Variants in RASA1 observed in about 807,000 individuals in gnomAD.
RASA1 encodes RAS p21 protein activator 1.
RASA1 carries 25 observed loss-of-function variants against 132.2 expected under a neutral mutation model. That is an observed-to-expected ratio of 0.19 (90% CI 0.14 to 0.26). The LOEUF (loss-of-function observed/expected upper bound fraction) is 0.26. RASA1 is among the 10% of genes least tolerant of loss of function. The probability of loss-of-function intolerance (pLI) is 1.00; values close to 1 mark genes in which losing one functional copy is unlikely to be tolerated. For missense variants in RASA1, 964 were observed against 1,299.2 expected, an observed-to-expected ratio of 0.74 and a Z score of 3.97; for synonymous variants, 477 against 449.9, an observed-to-expected ratio of 1.06 and a Z score of -0.76.
In RASA1 at chr5:87,391,168, CTG is replaced by C; in HGVS notation, c.*287_*288del. The C allele has an allele frequency of 3.7e-6, 2 of 538,336 alleles. No homozygotes were observed. Among genetic ancestry groups the C allele is most frequent in the Non-Finnish European group, 3.3e-6 (1 of 299,412 alleles). The allele number at this position is 538,336 out of a possible 1,614,324, so 33.3% of individuals were successfully genotyped here. On this transcript the variant is annotated 3_prime_UTR_variant, in exon 25 of 25. Coordinates refer to ENST00000274376, the MANE Select transcript of RASA1 (RefSeq NM_002890.3). ...CCTTTCACAAAACGAAATGCTATGACTGTATCTTGATATCTCGAACTTTCAAA... is the reference window on the plus strand; with the variant it reads ...CCTTTCACAAAACGAAATGCTATGACTATCTTGATATCTCGAACTTTCAAA...
chr5:87,270,646 CTTTTTTTTTTTTTTTT>C (rs70996415), intron 1 of RASA1, among the ~76,000 whole-genome samples: 873 of 71,760 alleles, frequency 0.012, 39 homozygotes, highest in South Asian at 0.049. Flanking sequence ...GGTGCCCGGC[CTTTTTTTTTTTTTTTT>C]TTTTTTTTTT....
At chr5:87,310,459 G>A (rs781499933) in intron 1 of RASA1, among the ~76,000 whole-genome samples, 11 of 152,116 alleles carry the variant, frequency 7.2e-5, no homozygotes, top group African/African-American at 9.6e-5. Context: ...TTTTGCAATC[G>A]AGTTATCTTA....
At position 87,346,824 on chromosome 5, in the gene RASA1, G is replaced by A. The variant is rs1161113228; in HGVS notation, c.1102+100G>A. The A allele has an allele frequency of 9.6e-6, 8 of 830,816 alleles. No individual in the cohort carries two copies. In the East Asian group the frequency reaches 2.1e-4, roughly 22 times the overall value. The allele number at this position is 830,816 out of a possible 1,614,324, so 51.5% of individuals were successfully genotyped here. ...GTTTTGCCTTTAGCATTCAGTTAGT[G>A]TTTATGCATGTTATAATTTCGTGTC... is the stretch of plus-strand genomic sequence containing the variant. On this transcript the variant is annotated intron_variant, in intron 7 of 24. Transcript: ENST00000274376.
intron 1 of RASA1, among the ~76,000 whole-genome samples, chr5:87,293,393 G>A (rs1754989475): frequency 6.6e-6 from 1 of 152,088 alleles, no homozygotes; most frequent in Admixed American, 6.5e-5. Flanking sequence ...ACCCTGACGT[G>A]ATTGATTACA....
In RASA1 at chr5:87,318,950, G is replaced by A. The variant is rs1266568883; in HGVS notation, c.540-12398G>A. On this transcript the variant is annotated intron_variant, in intron 1 of 24. Coordinates refer to ENST00000274376, the MANE Select transcript of RASA1 (RefSeq NM_002890.3). ...TTCCAAGGTACAATGAGAGTACAGG[G>A]AATGGGTAAATGTTCCTGTTGCAAA... The A allele has an allele frequency of 2.0e-5, 3 of 152,266 alleles. No homozygotes were observed. In the East Asian group the frequency reaches 5.8e-4, roughly 29 times the overall value. 9.4% of individuals were successfully genotyped at this position (152,266 alleles called of 1,614,324 possible).
At chr5:87,306,341 A>G (rs1356723765) in intron 1 of RASA1, among the ~76,000 whole-genome samples, 1 of 152,328 alleles carries the variant, frequency 6.6e-6, no homozygotes, top group African/African-American at 2.4e-5. Flanking sequence ...GGTGGAAGCC[A>G]TTATCCTCAG....
At chr5:87,330,027 AT>A (rs2112362046) in intron 1 of RASA1, among the ~76,000 whole-genome samples, 1 of 152,228 alleles carries the variant, frequency 6.6e-6, no homozygotes, top group African/African-American at 2.4e-5. Context: ...TGCAGTATTG[AT>A]TGTTCTTTCC....
intron 5 of RASA1, among the ~76,000 whole-genome samples, chr5:87,339,904 A>C (rs1758313846): frequency 6.6e-6 from 1 of 152,102 alleles, no homozygotes; most frequent in African/African-American, 2.4e-5. Context: ...CTAGTCTGTG[A>C]AGATGTTTCG....
rs148110004 is a variant in RASA1 at position 87,289,271 on chromosome 5, C to T, written c.539+20281C>T. On this transcript the variant is annotated intron_variant, in intron 1 of 24. Transcript: ENST00000274376. ...GTTCTCAGTACATAAGGGCACATGA[C>T]GTCAATTATCCTATTGATGATGTAC... 2.6e-4 allele frequency among the ~76,000 whole-genome samples: 39 copies of T among 152,250 alleles called. No individual in the cohort carries two copies. In the South Asian group the frequency reaches 6.2e-3, roughly 24 times the overall value.
chr5:87,387,258 C>T (rs1410810104), intron 23 of RASA1, among the ~76,000 whole-genome samples: 2 of 151,946 alleles, frequency 1.3e-5, no homozygotes, highest in African/African-American at 2.4e-5. Flanking sequence ...CTATGTGGGG[C>T]GTGAAGCAAG....
intron 21 of RASA1, 37 bp from the exon 22 acceptor site, chr5:87,385,264 G>A (rs1761988597): frequency 7.6e-7 from 1 of 1,316,884 alleles, no homozygotes; most frequent in African/African-American, 1.5e-5. Context: ...AGTGCTGTTG[G>A]ACTTGGTGTC....
chr5:87,297,185 T>A lies in RASA1; in HGVS notation c.539+28195T>A, dbSNP rs191910627. Among the ~76,000 whole-genome samples, 4 of 152,354 alleles carry A rather than the reference T, an allele frequency of 2.6e-5. No individual in the cohort carries two copies. The Middle Eastern group carries it at 0.01, about 389-fold the overall frequency. On this transcript the variant is annotated intron_variant, in intron 1 of 24. Coordinates refer to ENST00000274376, the MANE Select transcript of RASA1 (RefSeq NM_002890.3). The stretch of plus-strand genomic sequence containing the variant: ...TGTATTTGCATATTGTCTACCTTTT[T>A]CATAAAGCACCTAGCATATTAATCA...
chr5:87,272,667 C>T (rs1242108252), intron 1 of RASA1, among the ~76,000 whole-genome samples: 1 of 151,960 alleles, frequency 6.6e-6, no homozygotes, highest in Non-Finnish European at 1.5e-5. Context: ...ACTAAATTGT[C>T]TACTAATTCT....
intron 1 of RASA1, among the ~76,000 whole-genome samples, chr5:87,270,646 CTTTTTTTTTTTTTTTTTT>C (rs70996415): frequency 0.055 from 3,930 of 71,800 alleles, 160 homozygotes; most frequent in Middle Eastern, 0.12. Flanking sequence ...GGTGCCCGGC[CTTTTTTTTTTTTTTTTTT>C]TTTTTTTTTT....
intron 1 of RASA1, among the ~76,000 whole-genome samples, chr5:87,315,728 G>A (rs1461990844): frequency 6.6e-6 from 1 of 152,092 alleles, no homozygotes; most frequent in Non-Finnish European, 1.5e-5. Context: ...TAAATAAGTA[G>A]CACCTTGCGA....
intron 1 of RASA1, among the ~76,000 whole-genome samples, chr5:87,306,311 T>G (rs1432354578): frequency 6.6e-6 from 1 of 152,188 alleles, no homozygotes; most frequent in African/African-American, 2.4e-5. Context: ...GATTATGTCC[T>G]TTGCGGGGAC....
At position 87,338,514 on chromosome 5, in the gene RASA1, TATATATATATATATATATAAA is replaced by T. The variant is rs1247284701; in HGVS notation, c.1017+426_1017+446del. The stretch of plus-strand genomic sequence containing the variant: ...GCCCAGCTAATTTTATATATATATA[TATATATATATATATATATAAA>T]ATTTTTTTTTTTTTTAAGTAGAAAT... On this transcript the variant is annotated intron_variant, in intron 5 of 24. Coordinates refer to ENST00000274376, the MANE Select transcript of RASA1 (RefSeq NM_002890.3). Among the ~76,000 whole-genome samples, 60 of 98,788 alleles carry T rather than the reference TATATATATATATATATATAAA, an allele frequency of 6.1e-4. 2 individuals are homozygous for T. Among genetic ancestry groups the T allele is most frequent in the African/African-American group, 2.2e-3 (58 of 26,058 alleles). The allele number at this position is 98,788 out of a possible 152,430, so 64.8% of individuals were successfully genotyped here. A position where few individuals can be genotyped will look rare whatever the true frequency, so the allele number is the denominator to read the frequency against.
rs1392746639 is a variant in RASA1, at chr5:87,369,916, C to A, written c.1698+16C>A. The A allele has an allele frequency of 6.4e-7, 1 of 1,567,266 alleles. No individual in the cohort carries two copies. Among genetic ancestry groups the A allele is most frequent in the Admixed American group, 1.7e-5 (1 of 59,764 alleles). On this transcript the variant is annotated intron_variant, in intron 12 of 24. Coordinates refer to ENST00000274376, the MANE Select transcript of RASA1 (RefSeq NM_002890.3). ...ACAAGCAGAGGTAAGATTACTGTTTCTCAAACTACAGTATACTTTTATGTT... is the reference window on the plus strand; with the variant it reads ...ACAAGCAGAGGTAAGATTACTGTTTATCAAACTACAGTATACTTTTATGTT...
chr5:87,331,514 C>T lies in RASA1; in HGVS notation c.692+14C>T. 6.2e-7 allele frequency: 1 copy of T among 1,612,594 alleles called. No homozygotes were observed. Among genetic ancestry groups the T allele is most frequent in the Non-Finnish European group, 8.5e-7 (1 of 1,178,966 alleles). ...CAACCATTTTAGGTAAGTCTTTATT[C>T]CTATTATGAAGCCAAATGATGTAGC... On this transcript the variant is annotated intron_variant, in intron 2 of 24. Transcript: ENST00000274376.
Sources: gnomAD v4.1 joint callset for allele counts (sites outside exome capture counted in the v4.1 genomes callset) on GRCh38, gnomAD v4.1.1 for gene constraint, MANE v1.5 for transcripts, NCBI Gene and HGNC (gene_info 2026-07-23, HGNC 2026-07-21) for gene names.